Variants in CNTN5 observed in about 807,000 individuals in gnomAD.
CNTN5 encodes contactin-5.
CNTN5 carries 77 observed loss-of-function variants against 129.1 expected under a neutral mutation model. The ratio of observed to expected loss-of-function variants is 0.60; its 90% CI spans 0.50 to 0.72. CNTN5 has a LOEUF of 0.72. Ranked by LOEUF, CNTN5 falls within the 30% of genes least tolerant of loss-of-function variation. CNTN5 has a pLI of 0.00. For missense variants in CNTN5, 1,478 were observed against 1,328.8 expected (o/e 1.11, Z -1.75); for synonymous variants, 509 against 465.6 (o/e 1.09, Z -1.20).
In CNTN5 at chr11:99,450,204, A is replaced by C. The variant is rs139616985; in HGVS notation, c.-70-105941A>C. Among the ~76,000 whole-genome samples the C allele has an allele frequency of 4.1e-3, 620 of 151,754 alleles. 5 individuals are homozygous for C. Among genetic ancestry groups the C allele is most frequent in the African/African-American group, 0.014 (594 of 41,414 alleles). ...GAAGATTTTTCAGTAATATTTGAAG[A>C]AACTCAGAGAATAAATATTTCTCAC... is the stretch of plus-strand genomic sequence containing the variant. On this transcript the variant is annotated intron_variant, in intron 2 of 24. Coordinates refer to ENST00000524871, the MANE Select transcript of CNTN5 (RefSeq NM_014361.4).
chr11:100,281,813 G>A (rs891641156), intron 18 of CNTN5, among the ~76,000 whole-genome samples: 5 of 151,754 alleles, frequency 3.3e-5, no homozygotes, highest in Non-Finnish European at 7.4e-5. Flanking sequence ...TTTTCAAATA[G>A]CCTATCTTAA....
At chr11:99,846,945 G>C (rs537615420) in intron 6 of CNTN5, among the ~76,000 whole-genome samples, 1 of 152,098 alleles carries the variant, frequency 6.6e-6, no homozygotes, top group African/African-American at 2.4e-5. Context: ...ATATTATGTG[G>C]TGTATCACAG....
At chr11:99,123,257 A>G (rs1858449010) in intron 1 of CNTN5, among the ~76,000 whole-genome samples, 1 of 151,852 alleles carries the variant, frequency 6.6e-6, no homozygotes, top group Admixed American at 6.6e-5. Flanking sequence ...GTATGATATA[A>G]TATGTCATTG....
chr11:99,407,353 G>T (rs888214710), intron 2 of CNTN5, among the ~76,000 whole-genome samples: 2 of 152,104 alleles, frequency 1.3e-5, no homozygotes, highest in African/African-American at 2.4e-5. Flanking sequence ...TGTCATCTGC[G>T]ATCTAGGGCC....
intron 13 of CNTN5, among the ~76,000 whole-genome samples, chr11:100,081,789 G>C (rs1241510837): frequency 6.6e-6 from 1 of 152,138 alleles, no homozygotes; most frequent in Non-Finnish European, 1.5e-5. Context: ...CTAGAAAATG[G>C]AAATTGACAA....
At chr11:99,693,439 G>T (rs546583094) in intron 3 of CNTN5, among the ~76,000 whole-genome samples, 1 of 151,892 alleles carries the variant, frequency 6.6e-6, no homozygotes, top group Non-Finnish European at 1.5e-5. Flanking sequence ...TGATTGTAAG[G>T]GTTTTAAAGG....
At chr11:100,287,873 C>T (rs1236277517) in intron 18 of CNTN5, among the ~76,000 whole-genome samples, 1 of 152,076 alleles carries the variant, frequency 6.6e-6, no homozygotes, top group Non-Finnish European at 1.5e-5. Context: ...ATCTCACGTG[C>T]AGAAACACAC....
Position 99,224,642 on chromosome 11 carries a change from G to A in CNTN5, c.-209-100704G>A, listed in dbSNP as rs377133018. On this transcript the variant is annotated intron_variant, in intron 1 of 24. Transcript: ENST00000524871. ...GCTATCTTCCAGATTAAAGAGTCTC[G>A]TCTCCCAAGGTTGCATTTTTTTTTT... Among the ~76,000 whole-genome samples the A allele has an allele frequency of 2.2e-4, 31 of 142,420 alleles. No homozygotes were observed. The East Asian group carries it at 4.1e-3, about 19-fold the overall frequency. The allele number at this position is 142,420 out of a possible 152,430, so 93.4% of individuals were successfully genotyped here.
chr11:100,285,961 G>A (rs911069568), intron 18 of CNTN5, among the ~76,000 whole-genome samples: 2 of 152,230 alleles, frequency 1.3e-5, no homozygotes, highest in African/African-American at 4.8e-5. Context: ...AAGGGGTCAG[G>A]GAGCTCCCTT....
chr11:99,160,982 A>ATTGC (rs1860582281), intron 1 of CNTN5, among the ~76,000 whole-genome samples: 2 of 152,208 alleles, frequency 1.3e-5, no homozygotes, highest in Non-Finnish European at 2.9e-5. Context: ...TACCAGGTAC[A>ATTGC]AATCTATATA....
chr11:100,318,147 A>G (rs1342978192), intron 21 of CNTN5, among the ~76,000 whole-genome samples: 1 of 148,546 alleles, frequency 6.7e-6, no homozygotes, highest in Non-Finnish European at 1.5e-5. Context: ...AGGCTGAGGC[A>G]GGAGAATGGC....
intron 1 of CNTN5, among the ~76,000 whole-genome samples, chr11:99,279,248 G>T (rs1373974091): frequency 6.6e-6 from 1 of 151,730 alleles, no homozygotes; most frequent in African/African-American, 2.4e-5. Flanking sequence ...CTCTGAAGTG[G>T]AAGCTACACC....
intron 2 of CNTN5, among the ~76,000 whole-genome samples, chr11:99,425,069 A>G (rs1943059729): frequency 6.6e-6 from 1 of 152,170 alleles, no homozygotes; most frequent in African/African-American, 2.4e-5. Flanking sequence ...CACATAGAGG[A>G]GACCTGTAGC....
intron 3 of CNTN5, among the ~76,000 whole-genome samples, chr11:99,775,190 T>C (rs1310159113): frequency 6.6e-6 from 1 of 152,150 alleles, no homozygotes; most frequent in Non-Finnish European, 1.5e-5. Flanking sequence ...TGAGTGATAA[T>C]ATTTTTGTAT....
chr11:99,764,091 A>G (rs974218935), intron 3 of CNTN5, among the ~76,000 whole-genome samples: 5 of 152,176 alleles, frequency 3.3e-5, no homozygotes, highest in Non-Finnish European at 5.9e-5. Flanking sequence ...AAATTTAGAT[A>G]TCAATCTACA....
intron 3 of CNTN5, among the ~76,000 whole-genome samples, chr11:99,637,884 C>G (rs73546415): frequency 6.6e-6 from 1 of 151,998 alleles, no homozygotes; most frequent in Admixed American, 6.6e-5. Flanking sequence ...GCCAGCCTTT[C>G]AGCATTTCCT....
At chr11:99,580,373 T>C (rs543561189) in intron 3 of CNTN5, among the ~76,000 whole-genome samples, 10 of 152,328 alleles carry the variant, frequency 6.6e-5, no homozygotes, top group Admixed American at 5.2e-4. Context: ...TTCCCTCTTT[T>C]TCTATTAACT....
chr11:100,096,235 C>A (rs1945004195), intron 13 of CNTN5, among the ~76,000 whole-genome samples: 1 of 152,024 alleles, frequency 6.6e-6, no homozygotes. Context: ...GACGTGTAGT[C>A]CCAGGCACAT....
chr11:100,043,198 C>T (rs541296838), intron 9 of CNTN5, among the ~76,000 whole-genome samples: 2 of 152,150 alleles, frequency 1.3e-5, no homozygotes, highest in African/African-American at 4.8e-5. Context: ...GATTTCAAAT[C>T]AGCCATTTGA....
Sources: gnomAD v4.1 joint callset for allele counts (sites outside exome capture counted in the v4.1 genomes callset) on GRCh38, gnomAD v4.1.1 for gene constraint, MANE v1.5 for transcripts, NCBI Gene and HGNC (gene_info 2026-07-23, HGNC 2026-07-21) for gene names.